ADGRL3: variants seen among roughly 807,000 people sequenced by gnomAD.
ADGRL3 encodes the protein adhesion G protein-coupled receptor L3, also known as calcium-independent alpha-latrotoxin receptor 3.
A neutral mutation model predicts 153.5 loss-of-function variants in ADGRL3; 62 were observed. The ratio of observed to expected loss-of-function variants is 0.40; its 90% CI spans 0.33 to 0.50. ADGRL3 has a LOEUF of 0.50. Ranked by LOEUF, ADGRL3 falls within the 20% of genes least tolerant of loss-of-function variation. The pLI, the probability that ADGRL3 is intolerant of heterozygous loss-of-function variation, is 0.47. For missense variants in ADGRL3, 1,641 were observed against 1,859.4 expected (o/e 0.88, Z 2.16); for synonymous variants, 710 against 672.5 (o/e 1.06, Z -0.86).
intron 1 of ADGRL3, among the ~76,000 whole-genome samples, chr4:61,322,109 C>T (rs552597729): frequency 9.2e-5 from 14 of 152,266 alleles, no homozygotes; most frequent in Non-Finnish European, 1.9e-4. Flanking sequence ...GAGTAGGTCA[C>T]ATCTTACATG....
chr4:61,683,115 T>G (rs1475720841), intron 6 of ADGRL3, among the ~76,000 whole-genome samples: 3 of 4,816 alleles, frequency 6.2e-4, no homozygotes, highest in Admixed American at 0.014. Flanking sequence ...AAGAGCTGTA[T>G]TTTTTTTTTT....
chr4:61,370,983 A>C (rs2096513099), intron 1 of ADGRL3, among the ~76,000 whole-genome samples: 1 of 150,990 alleles, frequency 6.6e-6, no homozygotes, highest in East Asian at 1.9e-4. Context: ...ACCATTATGT[A>C]ATGGCCTTCT....
chr4:61,830,014 A>C (rs535438984), intron 9 of ADGRL3, among the ~76,000 whole-genome samples: 1 of 150,570 alleles, frequency 6.6e-6, no homozygotes. Flanking sequence ...CAAAAAAAAA[A>C]ATTTTTTTTT....
intron 8 of ADGRL3, among the ~76,000 whole-genome samples, chr4:61,781,741 A>C (rs1447657637): frequency 6.6e-6 from 1 of 152,176 alleles, no homozygotes; most frequent in East Asian, 1.9e-4. Flanking sequence ...TAAAGTTTAC[A>C]CAAGCCTTGG....
intron 11 of ADGRL3, among the ~76,000 whole-genome samples, chr4:61,902,772 C>T (rs890197520): frequency 4.6e-5 from 7 of 152,164 alleles, no homozygotes; most frequent in Admixed American, 3.3e-4. Flanking sequence ...AGAAGCATTT[C>T]CTAAATTATT....
chr4:61,993,301 T>C (rs1375203855), intron 19 of ADGRL3, among the ~76,000 whole-genome samples: 2 of 143,242 alleles, frequency 1.4e-5, no homozygotes, highest in Non-Finnish European at 3.1e-5. Flanking sequence ...TTTTTTTTTT[T>C]TTTTTTTTTG....
chr4:61,324,909 A>G (rs1173857056), intron 1 of ADGRL3, among the ~76,000 whole-genome samples: 1 of 152,220 alleles, frequency 6.6e-6, no homozygotes, highest in Admixed American at 6.5e-5. Flanking sequence ...AGTGTAATTC[A>G]TTAACTTATT....
chr4:61,863,352 C>T (rs2098366921), intron 9 of ADGRL3, among the ~76,000 whole-genome samples: 1 of 149,564 alleles, frequency 6.7e-6, no homozygotes, highest in Non-Finnish European at 1.5e-5. Context: ...ATTCTCCTGC[C>T]TCAGCCTCCC....
intron 8 of ADGRL3, among the ~76,000 whole-genome samples, chr4:61,805,728 T>C (rs1454923977): frequency 6.6e-6 from 1 of 152,198 alleles, no homozygotes. Flanking sequence ...AATAATTGTA[T>C]TATTTTGGAA....
intron 9 of ADGRL3, among the ~76,000 whole-genome samples, chr4:61,817,157 C>G (rs905778459): frequency 1.6e-4 from 24 of 149,556 alleles, no homozygotes; most frequent in Non-Finnish European, 3.0e-4. Flanking sequence ...AGACCCCCCC[C>G]CCCCCACCAA....
chr4:62,010,888 T>C (rs1039492408), intron 21 of ADGRL3, among the ~76,000 whole-genome samples: 2 of 152,148 alleles, frequency 1.3e-5, no homozygotes, highest in African/African-American at 2.4e-5. Flanking sequence ...TTTTAAAAGG[T>C]AATTGCTGTT....
At chr4:61,777,660 C>T (rs1286851933) in intron 8 of ADGRL3, among the ~76,000 whole-genome samples, 1 of 152,090 alleles carries the variant, frequency 6.6e-6, no homozygotes, top group African/African-American at 2.4e-5. Context: ...TAATTGGCAC[C>T]TCCTCGTCAT....
At chr4:61,386,203 A>C (rs1322612680) in intron 2 of ADGRL3, among the ~76,000 whole-genome samples, 2 of 152,180 alleles carry the variant, frequency 1.3e-5, no homozygotes, top group Non-Finnish European at 2.9e-5. Flanking sequence ...TATTTTACTA[A>C]TACATGACCA....
At chr4:61,525,980 T>C (rs1256260622) in intron 4 of ADGRL3, among the ~76,000 whole-genome samples, 2 of 152,018 alleles carry the variant, frequency 1.3e-5, no homozygotes, top group African/African-American at 4.8e-5. Context: ...AAGAGATTGA[T>C]TGGGGATGAT....
At chr4:61,252,711 C>T (rs767022545) in intron 1 of ADGRL3, among the ~76,000 whole-genome samples, 16 of 149,756 alleles carry the variant, frequency 1.1e-4, no homozygotes, top group East Asian at 7.8e-4. Context: ...TTTTAAGTCC[C>T]GGTAGCTTGA....
chr4:61,609,055 G>T (rs963400860), intron 5 of ADGRL3, among the ~76,000 whole-genome samples: 7 of 151,990 alleles, frequency 4.6e-5, no homozygotes, highest in Admixed American at 6.6e-5. Flanking sequence ...ATGCTTATTT[G>T]TTAGTGTTTA....
At chr4:61,350,028 A>G (rs912799382) in intron 1 of ADGRL3, among the ~76,000 whole-genome samples, 3 of 152,174 alleles carry the variant, frequency 2.0e-5, no homozygotes, top group Non-Finnish European at 2.9e-5. Context: ...CTGGCCAGTG[A>G]TATATTTCAT....
At chr4:61,824,909 T>G (rs2097787391) in intron 9 of ADGRL3, among the ~76,000 whole-genome samples, 1 of 152,200 alleles carries the variant, frequency 6.6e-6, no homozygotes, top group Admixed American at 6.5e-5. Flanking sequence ...TTTTGAGATC[T>G]TTTAGTAGGG....
intron 8 of ADGRL3, among the ~76,000 whole-genome samples, chr4:61,785,270 T>A (rs1240686030): frequency 1.3e-5 from 2 of 152,126 alleles, no homozygotes; most frequent in African/African-American, 4.8e-5. Flanking sequence ...TGAAAACAAA[T>A]TCTTATTCTT....
Sources: gnomAD v4.1 joint callset for allele counts (sites outside exome capture counted in the v4.1 genomes callset) on GRCh38, gnomAD v4.1.1 for gene constraint, MANE v1.5 for transcripts, NCBI Gene and HGNC (gene_info 2026-07-23, HGNC 2026-07-21) for gene names.